The following USP29 variants were observed in gnomAD, a reference collection of about 807,000 sequenced individuals.
The protein encoded by USP29 is ubiquitin specific peptidase 29.
For synonymous variants in USP29, 386 were observed against 387.4 expected (o/e 1.00, Z 0.04); for missense variants, 1,102 against 1,069.0 (o/e 1.03, Z -0.43).
chr19:57,119,980 C>G (rs1486165377), upstream of USP29: 2 of 152,394 alleles, frequency 1.3e-5, no homozygotes, highest in African/African-American at 4.8e-5. Context: ...CGTGCTGTGC[C>G]CAGAACTCTT....
chr19:57,125,792 T>A (rs1354225092), intron 3 of USP29, among the ~76,000 whole-genome samples: 1 of 152,146 alleles, frequency 6.6e-6, no homozygotes, highest in African/African-American at 2.4e-5. Context: ...TACGTGTGAA[T>A]TTGATCCCAT....
intron 3 of USP29, among the ~76,000 whole-genome samples, chr19:57,126,180 C>T (rs937826624): frequency 1.3e-5 from 2 of 152,102 alleles, no homozygotes; most frequent in Non-Finnish European, 2.9e-5. Context: ...TCTCTGGCTG[C>T]CCTTAACATT....
At chr19:57,122,844 T>C (rs375089862) in intron 2 of USP29, among the ~76,000 whole-genome samples, 28 of 152,264 alleles carry the variant, frequency 1.8e-4, no homozygotes, top group South Asian at 1.5e-3. Context: ...ATTTTTGTGA[T>C]TCCTCCTTTC....
At chr19:57,122,286 T>C (rs1361053473) in intron 1 of USP29, 39 bp from the exon 2 acceptor site, 1 of 152,078 alleles carries the variant, frequency 6.6e-6, no homozygotes, top group Non-Finnish European at 1.5e-5. Flanking sequence ...CGGAACATCA[T>C]AATCACTGTC....
chr19:57,126,663 C>A (rs184395772), intron 3 of USP29, among the ~76,000 whole-genome samples: 5 of 152,054 alleles, frequency 3.3e-5, no homozygotes, highest in Admixed American at 3.3e-4. Flanking sequence ...TTCCTGTAGC[C>A]TTTTATCAAG....
In USP29 at chr19:57,130,914, C is replaced by A; in HGVS notation, c.2239C>A (p.Leu747Ile). 1 of 1,614,162 alleles carries A rather than the reference C, an allele frequency of 6.2e-7. No homozygotes were observed. Among genetic ancestry groups the A allele is most frequent in the Non-Finnish European group, 8.5e-7 (1 of 1,180,022 alleles). ...CIEESIIDEF[L>I]QQAPPPGVRK... is the part of the protein sequence containing the mutation. ...TGAGGAGAGCATCATAGATGAATTT[C>A]TTCAGCAGGCACCACCTCCAGGTGT... The change falls in exon 4 of 4, where the codon CTT becomes ATT. Residue 747 changes from leucine (L) to isoleucine (I), a missense_variant. Transcript: ENST00000254181.
intron 2 of USP29, among the ~76,000 whole-genome samples, chr19:57,123,812 T>A (rs952542091): frequency 1.3e-5 from 2 of 152,196 alleles, no homozygotes; most frequent in Non-Finnish European, 2.9e-5. Flanking sequence ...TAATCTAATC[T>A]GTGTAATTGG....
rs2086841183 is a variant in USP29 at position 57,129,293 on chromosome 19, T to A, written c.618T>A (p.Asn206Lys). The change falls in exon 4 of 4, where the codon AAT becomes AAA. Residue 206 changes from asparagine (N) to lysine (K), a missense_variant. By Grantham distance (94) the Asn-to-Lys change is moderately conservative (BLOSUM62 0). Transcript: ENST00000254181. ...KTDSLKYIQS[N>K]RKNPSSLEDL... Reference sequence around the variant, plus strand: ...ATTCCTTGAAATATATACAAAGCAATAGGAAGAACCCATCAAGTTTAGAGG... The same window carrying A: ...ATTCCTTGAAATATATACAAAGCAAAAGGAAGAACCCATCAAGTTTAGAGG... 1 of 1,613,782 alleles carries A rather than the reference T, an allele frequency of 6.2e-7. No individual in the cohort carries two copies. Among genetic ancestry groups the A allele is most frequent in the Admixed American group, 1.7e-5 (1 of 59,948 alleles).
intron 3 of USP29, among the ~76,000 whole-genome samples, chr19:57,125,172 T>C (rs369110508): frequency 6.6e-6 from 1 of 152,276 alleles, no homozygotes; most frequent in South Asian, 2.1e-4. Context: ...TTCCATGTAG[T>C]TGTGTGGTTT....
chr19:57,131,177 C>A lies in USP29; in HGVS notation c.2502C>A (p.Ser834Arg), dbSNP rs1298589846. 1 of 1,614,230 alleles carries A rather than the reference C, an allele frequency of 6.2e-7. No homozygotes were observed. Reference sequence around the variant, plus strand: ...TCAGTGTTGTCAGCCATATCGGGAGCTCCCCAAATTCAGGCCATTACATCA... The same window carrying A: ...TCAGTGTTGTCAGCCATATCGGGAGATCCCCAAATTCAGGCCATTACATCA... ...RLISVVSHIG[S>R]SPNSGHYISD... The change falls in exon 4 of 4, where the codon AGC becomes AGA. Residue 834 changes from serine (S) to arginine (R), a missense_variant. Transcript: ENST00000254181.
Position 57,123,381 on chromosome 19 carries a change from ATTC to A in USP29, c.-117-655_-117-653del, listed in dbSNP as rs542418018. Among the ~76,000 whole-genome samples the A allele has an allele frequency of 2.6e-4, 40 of 152,296 alleles. 1 individual carries two copies. The South Asian group carries it at 3.5e-3, about 13-fold the overall frequency. On this transcript the variant is annotated intron_variant, in intron 2 of 3. Coordinates refer to ENST00000254181, the MANE Select transcript of USP29 (RefSeq NM_020903.3). ...ATGAGGCATCCCTGTAGTTTAATAT[ATTC>A]TTAGAATTAGCAATAGGAATATGAT...
rs2086850457 is a variant in USP29, at chr19:57,130,403, A to G, written c.1728A>G (p.Pro576=). The G allele has an allele frequency of 1.9e-6, 3 of 1,614,210 alleles. No homozygotes were observed. Among genetic ancestry groups the G allele is most frequent in the South Asian group, 2.2e-5 (2 of 91,088 alleles). ...AGATGATTTCTGAGATCAACAGCCC[A>G]TTGACACCATCAATGAAGCTGACCT... ...SQEMISEINS[P]LTPSMKLTSE... is the part of the protein sequence containing the mutation. The change falls in exon 4 of 4, where the codon CCA becomes CCG. Residue 576 remains proline (P), a synonymous_variant. Coordinates refer to ENST00000254181, the MANE Select transcript of USP29 (RefSeq NM_020903.3).
In USP29 at chr19:57,128,946, G is replaced by C; in HGVS notation, c.271G>C (p.Asp91His). The C allele has an allele frequency of 6.2e-7, 1 of 1,614,028 alleles. No homozygotes were observed. Among genetic ancestry groups the C allele is most frequent in the Non-Finnish European group, 8.5e-7 (1 of 1,179,992 alleles). The change falls in exon 4 of 4, where the codon GAT becomes CAT. Residue 91 changes from aspartate (D) to histidine (H), a missense_variant. Transcript: ENST00000254181. ...GTTTATTGACAAATTATCCTACAGA[G>C]ATGCTAAACAGTTGAATATGTTCCT... ...FLFIDKLSYRDAKQLNMFLDI... is the reference protein window; with the variant it reads ...FLFIDKLSYRHAKQLNMFLDI...
chr19:57,119,462 G>A (rs183527305), upstream of USP29, among the ~76,000 whole-genome samples: 107 of 152,176 alleles, frequency 7.0e-4, no homozygotes, highest in Non-Finnish European at 1.4e-3. Context: ...TCGCTCTGTC[G>A]CCCAGGCTGG....
intron 3 of USP29, among the ~76,000 whole-genome samples, chr19:57,126,697 T>C (rs1159666643): frequency 6.6e-6 from 1 of 152,118 alleles, no homozygotes; most frequent in African/African-American, 2.4e-5. Flanking sequence ...TTGCATTGGG[T>C]TAGAACATGC....
rs145469299 is a variant in USP29 at position 57,123,495 on chromosome 19, C to T, written c.-117-544C>T. 2.1e-3 allele frequency among the ~76,000 whole-genome samples: 322 copies of T among 152,176 alleles called. 1 individual carries two copies. Among genetic ancestry groups the T allele is most frequent in the Middle Eastern group, 0.014 (4 of 294 alleles). Reference sequence around the variant, plus strand: ...TGTTGCCATCCCGTTTTCACTTATACGAAAGTAAGACTCAGGAGGGTTGAG... The same window carrying T: ...TGTTGCCATCCCGTTTTCACTTATATGAAAGTAAGACTCAGGAGGGTTGAG... On this transcript the variant is annotated intron_variant, in intron 2 of 3. Transcript: ENST00000254181.
intron 2 of USP29, among the ~76,000 whole-genome samples, chr19:57,123,401 G>C (rs1390633508): frequency 6.6e-6 from 1 of 152,096 alleles, no homozygotes; most frequent in Non-Finnish European, 1.5e-5. Flanking sequence ...TTAGCAATAG[G>C]AATATGATGT....
In USP29 at chr19:57,131,192, C is replaced by T. The variant is rs1041757995; in HGVS notation, c.2517C>T (p.Gly839=). The change falls in exon 4 of 4, where the codon GGC becomes GGT. Residue 839 remains glycine, a synonymous_variant. Transcript: ENST00000254181. ...ATATCGGGAGCTCCCCAAATTCAGG[C>T]CATTACATCAGCGATGTGTATGACT... ...VSHIGSSPNS[G]HYISDVYDFQ... is the part of the protein sequence containing the mutation. 1.2e-6 allele frequency: 2 copies of T among 1,614,234 alleles called. No homozygotes were observed. Among genetic ancestry groups the T allele is most frequent in the Non-Finnish European group, 8.5e-7 (1 of 1,180,048 alleles).
In USP29 at chr19:57,131,176, G is replaced by T. The variant is rs915394218; in HGVS notation, c.2501G>T (p.Ser834Ile). ...RLISVVSHIG[S>I]SPNSGHYISD... ...ATCAGTGTTGTCAGCCATATCGGGA[G>T]CTCCCCAAATTCAGGCCATTACATC... Residue 834 changes from serine to isoleucine, a missense_variant, in exon 4 of 4, where the codon AGC (serine) becomes ATC (isoleucine). Physicochemically the swap from Ser to Ile is moderately radical, Grantham distance 142. Transcript: ENST00000254181. 9.9e-6 allele frequency: 16 copies of T among 1,614,212 alleles called. No individual in the cohort carries two copies. The highest frequency in any genetic ancestry group is 1.4e-5 in the Non-Finnish European group (16 of 1,180,048).
Sources: allele counts gnomAD v4.1 joint callset (sites outside exome capture counted in the v4.1 genomes callset), GRCh38; gene constraint gnomAD v4.1.1; transcripts MANE v1.5; gene names NCBI Gene and HGNC (gene_info 2026-07-23, HGNC 2026-07-21).